Variants in SEC24D observed in about 807,000 individuals in gnomAD.
SEC24D encodes protein transport protein Sec24D.
Under a neutral mutation model 116.9 loss-of-function variants are expected in SEC24D, and 69 were observed. The observed-to-expected ratio is 0.59, with a 90% confidence interval of 0.49 to 0.72. The LOEUF (loss-of-function observed/expected upper bound fraction) is 0.72, where lower values mean the gene tolerates loss of function less well. Ranked by LOEUF, SEC24D falls within the 30% of genes least tolerant of loss-of-function variation. The pLI, the probability that SEC24D is intolerant of heterozygous loss-of-function variation, is 0.00. For missense variants in SEC24D, 1,131 were observed against 1,264.1 expected (o/e 0.89, Z 1.60); for synonymous variants, 405 against 442.8 (o/e 0.91, Z 1.07).
At chr4:118,823,679 T>C (rs1258907736) in intron 3 of SEC24D, among the ~76,000 whole-genome samples, 1 of 152,256 alleles carries the variant, frequency 6.6e-6, no homozygotes, top group Non-Finnish European at 1.5e-5. Context: ...TACTGGCTTC[T>C]TTCCCAGGGA....
chr4:118,787,825 TAAAC>T (rs1368133657), intron 8 of SEC24D, among the ~76,000 whole-genome samples: 1 of 151,944 alleles, frequency 6.6e-6, no homozygotes, highest in South Asian at 2.1e-4. Flanking sequence ...AATAATGAAA[TAAAC>T]AAAATTAAAG....
intron 8 of SEC24D, among the ~76,000 whole-genome samples, chr4:118,791,743 C>CTCCA (rs1297142289): frequency 2.6e-5 from 4 of 152,198 alleles, no homozygotes; most frequent in Non-Finnish European, 5.9e-5. Context: ...CCGGGCTGGT[C>CTCCA]TCCAGCTCCT....
chr4:118,816,049 G>T (rs571457137), intron 4 of SEC24D, among the ~76,000 whole-genome samples: 202 of 149,040 alleles, frequency 1.4e-3, no homozygotes, highest in African/African-American at 4.5e-3. Flanking sequence ...AGCCTCCCAA[G>T]TAACTGAGAC....
intron 9 of SEC24D, among the ~76,000 whole-genome samples, chr4:118,766,351 A>G (rs1458851469): frequency 6.6e-6 from 1 of 152,186 alleles, no homozygotes; most frequent in Non-Finnish European, 1.5e-5. Context: ...GAATCACTAA[A>G]GCAAGCCTGC....
intron 6 of SEC24D, 127 bp from the exon 7 acceptor site, chr4:118,806,081 A>T (rs1189477119): frequency 1.6e-6 from 1 of 635,874 alleles, no homozygotes; most frequent in Non-Finnish European, 2.7e-6. Flanking sequence ...ACACACAGAG[A>T]TGCACACACA....
chr4:118,828,907 T>C (rs1438366344), intron 2 of SEC24D, among the ~76,000 whole-genome samples: 1 of 152,214 alleles, frequency 6.6e-6, no homozygotes, highest in East Asian at 1.9e-4. Flanking sequence ...CTATGCCAAA[T>C]GTCTTGCAGG....
chr4:118,796,680 C>T (rs766446662), intron 8 of SEC24D, among the ~76,000 whole-genome samples: 17 of 152,234 alleles, frequency 1.1e-4, no homozygotes, highest in Non-Finnish European at 1.8e-4. Flanking sequence ...TCCTCCTCCC[C>T]TTCCTCACAC....
chr4:118,744,053 C>G lies in SEC24D; in HGVS notation c.1930G>C (p.Val644Leu). Residue 644 changes from valine (V) to leucine (L), a missense_variant, in exon 15 of 23, where the codon GTG (valine) becomes CTG (leucine). Transcript: ENST00000280551. ...LFLFPSQYVDVASLGLVPQLT... is the reference protein window; with the variant it reads ...LFLFPSQYVDLASLGLVPQLT... ...TGAGGAACCAGCCCCAGCGAGGCCACGTCCACATACTGACTAGGAAAGAGG... is the reference window on the plus strand; with the variant it reads ...TGAGGAACCAGCCCCAGCGAGGCCAGGTCCACATACTGACTAGGAAAGAGG... 6.2e-7 allele frequency: 1 copy of G among 1,613,518 alleles called. No homozygotes were observed. The highest frequency in any genetic ancestry group is 1.1e-5 in the South Asian group (1 of 91,036).
intron 14 of SEC24D, among the ~76,000 whole-genome samples, chr4:118,744,527 A>G (rs577046597): frequency 1.1e-4 from 16 of 152,348 alleles, no homozygotes; most frequent in African/African-American, 3.8e-4. Context: ...CTTCCCACAG[A>G]CATTCCCCTC....
At chr4:118,769,052 T>C (rs576688957) in intron 8 of SEC24D, among the ~76,000 whole-genome samples, 1 of 152,354 alleles carries the variant, frequency 6.6e-6, no homozygotes, top group African/African-American at 2.4e-5. Context: ...CATAGCAGTA[T>C]GCTGTCTATG....
Position 118,762,196 on chromosome 4 carries a change from A to G in SEC24D, c.1296+2606T>C, listed in dbSNP as rs145993596. Among the ~76,000 whole-genome samples, 18 of 151,724 alleles carry G rather than the reference A, an allele frequency of 1.2e-4. No homozygotes were observed. In the East Asian group the frequency reaches 3.5e-3, roughly 29 times the overall value. ...ATAAACTTATTAATGATAAACTCTCAGTTATATGGCAAAGCTGAGGCCTTT... is the reference window on the plus strand; with the variant it reads ...ATAAACTTATTAATGATAAACTCTCGGTTATATGGCAAAGCTGAGGCCTTT... On this transcript the variant is annotated intron_variant, in intron 10 of 22. Transcript: ENST00000280551.
chr4:118,815,712 G>A lies in SEC24D; in HGVS notation c.412C>T (p.Pro138Ser), dbSNP rs754588734. The part of the protein sequence containing the change: ...QINSYGSGMA[P>S]PSQGPPGPLS... ...GGGCCAGGGGGTCCCTGGCTTGGAG[G>A]AGCCATGCCTGAACCTGTGTGAGAA... Residue 138 changes from proline (P) to serine (S), a missense_variant, in exon 5 of 23, where the codon CCT (proline) becomes TCT (serine). Physicochemically the swap from Pro to Ser is moderately conservative, Grantham distance 74. Coordinates refer to ENST00000280551, the MANE Select transcript of SEC24D (RefSeq NM_014822.4). 52 of 1,613,880 alleles carry A rather than the reference G, an allele frequency of 3.2e-5. No homozygotes were observed. The highest frequency in any genetic ancestry group is 4.4e-5 in the Non-Finnish European group (52 of 1,179,980).
In SEC24D at chr4:118,723,391, TC is replaced by T; in HGVS notation, c.*123del. 17 of 1,006,206 alleles carry T rather than the reference TC, an allele frequency of 1.7e-5. No homozygotes were observed. In the South Asian group the frequency reaches 2.8e-4, roughly 17 times the overall value. 62.3% of individuals were successfully genotyped at this position (1,006,206 alleles called of 1,614,324 possible). ...AGCTGAAGTTCTAAATGCCATCTCTTCCTGGAAAGTTATTCTGAAAATGAGC... is the reference window on the plus strand; with the variant it reads ...AGCTGAAGTTCTAAATGCCATCTCTTCTGGAAAGTTATTCTGAAAATGAGC... On this transcript the variant is annotated 3_prime_UTR_variant, in exon 23 of 23. Coordinates refer to ENST00000280551, the MANE Select transcript of SEC24D (RefSeq NM_014822.4).
chr4:118,734,385 G>A (rs1725851786), intron 19 of SEC24D, among the ~76,000 whole-genome samples: 1 of 151,678 alleles, frequency 6.6e-6, no homozygotes, highest in South Asian at 2.1e-4. Flanking sequence ...GCTAACTTTT[G>A]TTTTTTTAGT....
rs142413640 is a variant in SEC24D at position 118,792,951 on chromosome 4, A to G, written c.1041+4732T>C. Among the ~76,000 whole-genome samples the G allele has an allele frequency of 2.7e-3, 413 of 152,324 alleles. 2 individuals are homozygous for G. The highest frequency in any genetic ancestry group is 9.5e-3 in the African/African-American group (393 of 41,568). ...TTGCTTTTTATAAATTTTGACTGTT[A>G]TTATTCCCATCAGTAGCAACAGCAG... On this transcript the variant is annotated intron_variant, in intron 8 of 22. Coordinates refer to ENST00000280551, the MANE Select transcript of SEC24D (RefSeq NM_014822.4).
chr4:118,810,074 C>CTCTGTGTGTGTGTG (rs776835322), intron 6 of SEC24D, among the ~76,000 whole-genome samples: 17 of 38,618 alleles, frequency 4.4e-4, no homozygotes, highest in Non-Finnish European at 6.4e-4. Context: ...TCAGAGGTAG[C>CTCTGTGTGTGTGTG]TGTGTGTGTG....
At chr4:118,788,150 C>T (rs1728735900) in intron 8 of SEC24D, among the ~76,000 whole-genome samples, 1 of 152,158 alleles carries the variant, frequency 6.6e-6, no homozygotes, top group African/African-American at 2.4e-5. Context: ...TAATATAATA[C>T]ACTCCAGACT....
At chr4:118,790,406 T>A (rs1456307264) in intron 8 of SEC24D, among the ~76,000 whole-genome samples, 1 of 152,166 alleles carries the variant, frequency 6.6e-6, no homozygotes, top group Non-Finnish European at 1.5e-5. Flanking sequence ...TTAGTTATAA[T>A]CTTCAATCCT....
Position 118,815,720 on chromosome 4 carries a change from C to G in SEC24D, c.404G>C (p.Gly135Ala), listed in dbSNP as rs1240803607. Residue 135 changes from glycine (G) to alanine (A), a missense_variant, in exon 5 of 23, where the codon GGC becomes GCC. Transcript: ENST00000280551. ...GGGTCCCTGGCTTGGAGGAGCCATG[C>G]CTGAACCTGTGTGAGAAAGGAGACC... ...SAMQINSYGS[G>A]MAPPSQGPPG... is the part of the protein sequence containing the mutation. 6.2e-7 allele frequency: 1 copy of G among 1,613,448 alleles called. No homozygotes were observed.
Sources: gnomAD v4.1 joint callset for allele counts (sites outside exome capture counted in the v4.1 genomes callset) on GRCh38, gnomAD v4.1.1 for gene constraint, MANE v1.5 for transcripts, NCBI Gene and HGNC (gene_info 2026-07-23, HGNC 2026-07-21) for gene names.